The following EPB41L2 variants were observed in gnomAD, a reference collection of about 807,000 sequenced individuals.
EPB41L2 encodes the protein erythrocyte membrane protein band 4.1 like 2.
A neutral mutation model predicts 113.0 loss-of-function variants in EPB41L2; 43 were observed. The ratio of observed to expected loss-of-function variants is 0.38; its 90% CI spans 0.30 to 0.49. EPB41L2 has a LOEUF of 0.49. Among genes scored for constraint, EPB41L2 ranks in the 20% least tolerant of loss-of-function variants. The probability of loss-of-function intolerance (pLI) is 0.95; values close to 1 mark genes in which losing one functional copy is unlikely to be tolerated. For missense variants in EPB41L2, 1,147 were observed against 1,223.4 expected, an observed-to-expected ratio of 0.94 and a Z score of 0.93; for synonymous variants, 442 against 436.7, an observed-to-expected ratio of 1.01 and a Z score of -0.15.
At chr6:130,954,053 T>G (rs1309056330) in intron 3 of EPB41L2, among the ~76,000 whole-genome samples, 1 of 101,450 alleles carries the variant, frequency 9.9e-6, no homozygotes, top group Non-Finnish European at 2.1e-5. Flanking sequence ...TTTTTTTTTT[T>G]TTTTTTTTTT....
chr6:130,895,192 C>T, intron 8 of EPB41L2, 73 bp from the exon 9 acceptor site: 4 of 1,475,622 alleles, frequency 2.7e-6, no homozygotes, highest in Non-Finnish European at 3.7e-6. Flanking sequence ...TAATTAGCTC[C>T]CTCAAATCAT....
At chr6:130,865,854 AAG>A (rs1783585299) in intron 16 of EPB41L2, 3 of 518,920 alleles carry the variant, frequency 5.8e-6, no homozygotes, top group East Asian at 3.2e-5. Context: ...GAGTGGAGAA[AAG>A]AGAGGAGAAT....
intron 14 of EPB41L2, among the ~76,000 whole-genome samples, chr6:130,872,132 A>G (rs912443320): frequency 6.6e-6 from 1 of 152,142 alleles, no homozygotes; most frequent in African/African-American, 2.4e-5. Flanking sequence ...TTAATGATTT[A>G]AATTATTCTC....
chr6:131,027,620 T>C (rs749980520), intron 1 of EPB41L2, among the ~76,000 whole-genome samples: 3 of 152,328 alleles, frequency 2.0e-5, no homozygotes, highest in South Asian at 4.2e-4. Flanking sequence ...CCAACCGTCA[T>C]AGCAATAGGG....
intron 1 of EPB41L2, among the ~76,000 whole-genome samples, chr6:130,957,648 T>C (rs1159244458): frequency 6.6e-6 from 1 of 151,690 alleles, no homozygotes; most frequent in Non-Finnish European, 1.5e-5. Context: ...AAAAAAATTG[T>C]GTTAACTTTT....
At position 130,890,326 on chromosome 6, in the gene EPB41L2, G is replaced by A. The variant is rs1353917245; in HGVS notation, c.1628C>T (p.Ser543Phe). 6.2e-7 allele frequency: 1 copy of A among 1,613,268 alleles called. No individual in the cohort carries two copies. The highest frequency in any genetic ancestry group is 1.3e-5 in the African/African-American group (1 of 74,830). ...DRPAPHFERT[S>F]SKRVSRSLDG... ...TAGACTCCTGGAGACCCGTTTACTAGAAGTGCGCTCAAAGTGTGGTGCTGG... is the reference window on the plus strand; with the variant it reads ...TAGACTCCTGGAGACCCGTTTACTAAAAGTGCGCTCAAAGTGTGGTGCTGG... Residue 543 changes from serine (S) to phenylalanine (F), a missense_variant, in exon 11 of 20, where the codon TCT (serine) becomes TTT (phenylalanine). Ser to Phe is a radical substitution (Grantham distance 155). Transcript: ENST00000337057.
intron 14 of EPB41L2, among the ~76,000 whole-genome samples, chr6:130,875,110 T>G (rs1171065575): frequency 6.6e-6 from 1 of 152,222 alleles, no homozygotes; most frequent in Non-Finnish European, 1.5e-5. Flanking sequence ...AAATATTTCA[T>G]CTCAACTAGA....
At chr6:130,966,654 T>C (rs966780764) in intron 1 of EPB41L2, among the ~76,000 whole-genome samples, 37 of 152,280 alleles carry the variant, frequency 2.4e-4, no homozygotes, top group African/African-American at 8.7e-4. Context: ...TGGGAGACAA[T>C]GTTTTTAATG....
intron 1 of EPB41L2, among the ~76,000 whole-genome samples, chr6:131,053,764 A>G (rs1220761425): frequency 6.6e-6 from 1 of 152,216 alleles, no homozygotes; most frequent in East Asian, 1.9e-4. Flanking sequence ...TTTGTTGCTT[A>G]CTCATATAGC....
intron 1 of EPB41L2, among the ~76,000 whole-genome samples, chr6:130,998,626 T>C (rs1783684261): frequency 6.6e-6 from 1 of 152,180 alleles, no homozygotes; most frequent in African/African-American, 2.4e-5. Flanking sequence ...TGGACAGTAC[T>C]CTGAAAAACT....
chr6:131,025,174 T>C (rs1790567948), intron 1 of EPB41L2, among the ~76,000 whole-genome samples: 1 of 152,142 alleles, frequency 6.6e-6, no homozygotes, highest in African/African-American at 2.4e-5. Context: ...TTGGTAATGG[T>C]GACTGTAGGT....
chr6:130,901,264 C>A, intron 6 of EPB41L2, 84 bp from the exon 7 acceptor site: 1 of 1,185,380 alleles, frequency 8.4e-7, no homozygotes, highest in Non-Finnish European at 1.2e-6. Flanking sequence ...AGCTAGTACC[C>A]CTTTGAAAAC....
intron 3 of EPB41L2, among the ~76,000 whole-genome samples, chr6:130,944,162 T>TACACATACAC (rs1811907823): frequency 7.5e-6 from 1 of 132,902 alleles, no homozygotes; most frequent in Non-Finnish European, 1.6e-5. Flanking sequence ...TATACGTACA[T>TACACATACAC]ACACACACAT....
At chr6:130,893,057 T>TA (rs1793496510) in intron 10 of EPB41L2, among the ~76,000 whole-genome samples, 3 of 152,150 alleles carry the variant, frequency 2.0e-5, no homozygotes, top group Non-Finnish European at 4.4e-5. Flanking sequence ...AAACTACATG[T>TA]AAAAAACATG....
At chr6:131,047,655 T>C (rs995249045) in intron 1 of EPB41L2, among the ~76,000 whole-genome samples, 71 of 152,342 alleles carry the variant, frequency 4.7e-4, no homozygotes, top group African/African-American at 1.6e-3. Context: ...TTAAGGCATG[T>C]ACCTTCCCCT....
At chr6:130,902,951 T>C (rs933615311) in intron 6 of EPB41L2, among the ~76,000 whole-genome samples, 3 of 152,186 alleles carry the variant, frequency 2.0e-5, no homozygotes, top group African/African-American at 4.8e-5. Flanking sequence ...CAAGTCATGG[T>C]GAAGATTTCG....
intron 14 of EPB41L2, among the ~76,000 whole-genome samples, chr6:130,875,253 T>C (rs9388864): frequency 0.45 from 68,314 of 151,920 alleles, 16,109 homozygotes; most frequent in East Asian, 0.52. Context: ...ATAATCTCTG[T>C]TCTCATTCAC....
Position 130,955,186 on chromosome 6 carries a change from A to C in EPB41L2, c.624T>G (p.Ser208=). The C allele has an allele frequency of 3.1e-6, 5 of 1,614,124 alleles. No homozygotes were observed. Among genetic ancestry groups the C allele is most frequent in the Non-Finnish European group, 4.2e-6 (5 of 1,180,028 alleles). Residue 208 remains serine, a synonymous_variant, in exon 3 of 20, where the codon TCT becomes TCG. Coordinates refer to ENST00000337057, the MANE Select transcript of EPB41L2 (RefSeq NM_001431.4). ...TTTTGGTCTTCTTGGTGACTTTTTG[A>C]GATGCCTTCTCTGCTTTCAGCTCAT... ...QTNELKAEKA[S]QKVTKKTKTV...
At chr6:131,050,254 G>A (rs1315662509) in intron 1 of EPB41L2, among the ~76,000 whole-genome samples, 6 of 152,156 alleles carry the variant, frequency 3.9e-5, no homozygotes, top group South Asian at 4.1e-4. Flanking sequence ...CAGGAAAATC[G>A]CTTGAACCCG....
Sources: allele counts gnomAD v4.1 joint callset (sites outside exome capture counted in the v4.1 genomes callset), GRCh38; gene constraint gnomAD v4.1.1; transcripts MANE v1.5; gene names NCBI Gene and HGNC (gene_info 2026-07-23, HGNC 2026-07-21).